Variants in PTPN13 observed in about 807,000 individuals in gnomAD.
PTPN13 encodes protein tyrosine phosphatase non-receptor type 13, also known as tyrosine-protein phosphatase non-receptor type 13.
PTPN13 carries 191 observed loss-of-function variants against 284.0 expected under a neutral mutation model. The observed-to-expected ratio is 0.67, with a 90% CI of 0.60 to 0.76. The LOEUF (loss-of-function observed/expected upper bound fraction) is 0.76. Ranked by LOEUF, PTPN13 falls within the 30% of genes least tolerant of loss-of-function variation. PTPN13 has a pLI of 0.00. For synonymous variants in PTPN13, 986 were observed against 1,022.3 expected (o/e 0.96, Z 0.68); for missense variants, 2,797 against 2,939.9 (o/e 0.95, Z 1.12).
chr4:86,802,309 T>G (rs1276099237), intron 42 of PTPN13, among the ~76,000 whole-genome samples: 2 of 152,140 alleles, frequency 1.3e-5, no homozygotes, highest in Non-Finnish European at 2.9e-5. Context: ...TTATCTAGAA[T>G]ACTTATTTTT....
chr4:86,809,268 T>C (rs977187317), intron 45 of PTPN13, among the ~76,000 whole-genome samples: 1 of 152,212 alleles, frequency 6.6e-6, no homozygotes, highest in Non-Finnish European at 1.5e-5. Context: ...TTTATCGATA[T>C]TTAAAATGTG....
chr4:86,710,942 TGA>T (rs1302728619), intron 7 of PTPN13, among the ~76,000 whole-genome samples: 7 of 152,084 alleles, frequency 4.6e-5, no homozygotes, highest in Admixed American at 2.6e-4. Flanking sequence ...GGTTTTTTTT[TGA>T]GAGAGGGTCT....
intron 1 of PTPN13, among the ~76,000 whole-genome samples, chr4:86,627,128 A>G (rs1262243953): frequency 1.3e-5 from 2 of 152,160 alleles, no homozygotes. Flanking sequence ...GTACTAAATG[A>G]TTCCACTCAT....
At chr4:86,772,990 T>A (rs189192982) in intron 32 of PTPN13, 32 bp downstream of exon 32, 6 of 1,407,630 alleles carry the variant, frequency 4.3e-6, no homozygotes, top group African/African-American at 1.5e-5. Flanking sequence ...TAAAAAAAAA[T>A]CCATATTTTT....
At chr4:86,720,121 T>C (rs1205757316) in intron 9 of PTPN13, among the ~76,000 whole-genome samples, 1 of 152,174 alleles carries the variant, frequency 6.6e-6, no homozygotes, top group African/African-American at 2.4e-5. Context: ...TTGCTTTTAA[T>C]ATAAACAACT....
intron 33 of PTPN13, 51 bp from the exon 34 acceptor site, chr4:86,775,120 T>C (rs1417408448): frequency 1.4e-6 from 2 of 1,387,302 alleles, no homozygotes; most frequent in African/African-American, 2.9e-5. Context: ...CAATTTAGCT[T>C]CTCTTTTCTA....
intron 1 of PTPN13, among the ~76,000 whole-genome samples, chr4:86,624,503 CTT>C (rs1721612123): frequency 6.6e-6 from 1 of 152,144 alleles, no homozygotes; most frequent in South Asian, 2.1e-4. Context: ...CAAAATAGCC[CTT>C]TGTTGAATAG....
At chr4:86,778,721 T>C (rs1565557068) in intron 35 of PTPN13, among the ~76,000 whole-genome samples, 1 of 152,124 alleles carries the variant, frequency 6.6e-6, no homozygotes, top group South Asian at 2.1e-4. Context: ...ATGATTTCTT[T>C]CTTTAAAAAA....
intron 1 of PTPN13, among the ~76,000 whole-genome samples, chr4:86,603,820 G>A (rs1442300739): frequency 1.3e-5 from 2 of 151,968 alleles, no homozygotes; most frequent in Non-Finnish European, 2.9e-5. Flanking sequence ...AAAGTACCTC[G>A]ACCTAGTGGA....
Position 86,775,181 on chromosome 4 carries a change from C to T in PTPN13, c.5519C>T (p.Thr1840Ile). The change falls in exon 34 of 48, where the codon ACA becomes ATA. Residue 1840 changes from threonine (T) to isoleucine (I), a missense_variant. Physicochemically the swap from Thr to Ile is moderately conservative, Grantham distance 89 (BLOSUM62 -1). Coordinates refer to ENST00000411767, the MANE Select transcript of PTPN13 (RefSeq NM_080683.3). ...TTCTTGTTTTTGTAGGTTAATGATA[C>T]AGATGTTACTAATATGACTCATACA... Reference protein sequence around the residue: ...PGDRLIKVNDTDVTNMTHTDA... With the variant: ...PGDRLIKVNDIDVTNMTHTDA... The T allele has an allele frequency of 6.3e-7, 1 of 1,597,582 alleles. No homozygotes were observed. Among genetic ancestry groups the T allele is most frequent in the South Asian group, 1.2e-5 (1 of 86,956 alleles).
intron 7 of PTPN13, among the ~76,000 whole-genome samples, chr4:86,714,036 A>C (rs1178203884): frequency 6.6e-6 from 1 of 151,234 alleles, no homozygotes; most frequent in Non-Finnish European, 1.5e-5. Context: ...CCCCAGTTTT[A>C]GATACTTCCC....
chr4:86,690,055 A>G (rs182141858), intron 5 of PTPN13: 48 of 222,560 alleles, frequency 2.2e-4, no homozygotes, highest in Middle Eastern at 3.3e-3. Context: ...AATTCTGCAC[A>G]GTTTTTCAGT....
At chr4:86,658,484 G>C (rs1038450767) in intron 2 of PTPN13, among the ~76,000 whole-genome samples, 2 of 152,106 alleles carry the variant, frequency 1.3e-5, no homozygotes, top group Non-Finnish European at 2.9e-5. Flanking sequence ...TGTTCCTGAT[G>C]GGGGATTATT....
chr4:86,769,906 G>C lies in PTPN13; in HGVS notation c.4627G>C (p.Ala1543Pro). 1.9e-6 allele frequency: 3 copies of C among 1,613,990 alleles called. No individual in the cohort carries two copies. The highest frequency in any genetic ancestry group is 2.5e-6 in the Non-Finnish European group (3 of 1,179,876). The change falls in exon 29 of 48, where the codon GCA becomes CCA. Residue 1543 changes from alanine to proline, a missense_variant. Physicochemically the swap from Ala to Pro is conservative, Grantham distance 27. Coordinates refer to ENST00000411767, the MANE Select transcript of PTPN13 (RefSeq NM_080683.3). ...AAAGCTCTTTCCTGGACAGCCAGCA[G>C]CAGAAAGTGGAAAAATTGATGTAGG... ...VKKLFPGQPA[A>P]ESGKIDVGDV...
At chr4:86,699,051 C>T (rs1277437490) in intron 6 of PTPN13, among the ~76,000 whole-genome samples, 1 of 151,942 alleles carries the variant, frequency 6.6e-6, no homozygotes, top group African/African-American at 2.4e-5. Context: ...TGGGGATTGG[C>T]CTTCAACTGG....
At chr4:86,812,285 G>A (rs1331891063) in intron 47 of PTPN13, among the ~76,000 whole-genome samples, 1 of 143,372 alleles carries the variant, frequency 7.0e-6, no homozygotes, top group African/African-American at 2.7e-5. Flanking sequence ...ACTCCAGCCT[G>A]GGCGACAGAG....
intron 23 of PTPN13, among the ~76,000 whole-genome samples, chr4:86,761,151 T>TATATATATAG (rs1206031213): frequency 6.9e-6 from 1 of 145,502 alleles, no homozygotes; most frequent in Non-Finnish European, 1.5e-5. Flanking sequence ...TATATATATA[T>TATATATATAG]ATATATATAT....
rs1268995183 is a variant in PTPN13, at chr4:86,766,482, A to G, written c.4294A>G (p.Lys1432Glu). The G allele has an allele frequency of 6.2e-7, 1 of 1,610,244 alleles. No individual in the cohort carries two copies. Among genetic ancestry groups the G allele is most frequent in the Middle Eastern group, 1.7e-4 (1 of 6,050 alleles). Residue 1432 changes from lysine to glutamate, a missense_variant, in exon 27 of 48, where the codon AAG (lysine) becomes GAG (glutamate). Physicochemically the swap from Lys to Glu is moderately conservative, Grantham distance 56. Coordinates refer to ENST00000411767, the MANE Select transcript of PTPN13 (RefSeq NM_080683.3). Reference sequence around the variant, plus strand: ...AGTTAGTCTAGAAGGAGCCACCCATAAGCAAGCTGTGGAAACACTGAGAAA... The same window carrying G: ...AGTTAGTCTAGAAGGAGCCACCCATGAGCAAGCTGTGGAAACACTGAGAAA... ...NGVSLEGATH[K>E]QAVETLRNTG...
In PTPN13 at chr4:86,775,193, A is replaced by T; in HGVS notation, c.5531A>T (p.Asn1844Ile). ...LIKVNDTDVT[N>I]MTHTDAVNLL... ...TAGGTTAATGATACAGATGTTACTAATATGACTCATACAGATGCAGTTAAT... is the reference window on the plus strand; with the variant it reads ...TAGGTTAATGATACAGATGTTACTATTATGACTCATACAGATGCAGTTAAT... The change falls in exon 34 of 48, where the codon AAT (asparagine) becomes ATT (isoleucine). Residue 1844 changes from asparagine (N) to isoleucine (I), a missense_variant. Asn to Ile is a moderately radical substitution (Grantham distance 149). Coordinates refer to ENST00000411767, the MANE Select transcript of PTPN13 (RefSeq NM_080683.3). The T allele has an allele frequency of 6.2e-7, 1 of 1,607,528 alleles. No homozygotes were observed. The highest frequency in any genetic ancestry group is 8.5e-7 in the Non-Finnish European group (1 of 1,177,946).
Sources: allele counts gnomAD v4.1 joint callset (sites outside exome capture counted in the v4.1 genomes callset), GRCh38; gene constraint gnomAD v4.1.1; transcripts MANE v1.5; gene names NCBI Gene and HGNC (gene_info 2026-07-23, HGNC 2026-07-21).